Variants in IFT122 observed in about 807,000 individuals in gnomAD.
IFT122 encodes the protein intraflagellar transport 122.
A neutral mutation model predicts 161.6 loss-of-function variants in IFT122; 118 were observed. The ratio of observed to expected loss-of-function variants is 0.73; its 90% CI spans 0.63 to 0.85. The LOEUF is 0.85. Ranked by LOEUF, IFT122 falls within the 40% of genes least tolerant of loss-of-function variation. The pLI, the probability that IFT122 is intolerant of heterozygous loss-of-function variation, is 0.00. For missense variants in IFT122, 1,381 were observed against 1,579.6 expected (o/e 0.87, Z 2.13); for synonymous variants, 550 against 602.4 (o/e 0.91, Z 1.27).
intron 15 of IFT122, chr3:129,487,577 A>G: frequency 6.2e-6 from 1 of 161,312 alleles, no homozygotes; most frequent in Non-Finnish European, 1.4e-5. Context: ...GGCAGGGATC[A>G]GGAGAGCTGT....
chr3:129,500,567 A>G (rs2081401538), intron 19 of IFT122, among the ~76,000 whole-genome samples: 1 of 152,260 alleles, frequency 6.6e-6, no homozygotes, highest in African/African-American at 2.4e-5. Flanking sequence ...CAAATCCATC[A>G]GGGAAGAATT....
chr3:129,467,172 A>T lies in IFT122; in HGVS notation c.740+106A>T. ...CTTTGGCCAAGGGAGTGCAGGGACT[A>T]GGGGGAACTGTGGGTGAAAGCGCCT... On this transcript the variant is annotated intron_variant, in intron 8 of 29. Transcript: ENST00000348417. 4 of 1,065,638 alleles carry T rather than the reference A, an allele frequency of 3.8e-6. No homozygotes were observed. In the South Asian group the frequency reaches 5.4e-5, roughly 14 times the overall value. 66.0% of individuals were successfully genotyped at this position (1,065,638 alleles called of 1,614,324 possible).
At chr3:129,502,578 A>G in intron 19 of IFT122, 133 bp from the exon 20 acceptor site, 4 of 1,015,044 alleles carry the variant, frequency 3.9e-6, no homozygotes, top group Non-Finnish European at 6.2e-6. Flanking sequence ...CATGCATTTA[A>G]TAACTACCCA....
intron 12 of IFT122, among the ~76,000 whole-genome samples, chr3:129,479,391 G>A (rs541536810): frequency 5.3e-5 from 8 of 152,230 alleles, no homozygotes; most frequent in Admixed American, 3.9e-4. Flanking sequence ...AGCTATGATA[G>A]CGCCACTACA....
chr3:129,464,641 A>G lies in IFT122; in HGVS notation c.423A>G (p.Thr141=). ...TTGTTGGTTGTGTACACAGCTGGAC[A>G]AATGATGGTCAGTACCTGGCGCTGG... The part of the protein sequence containing the change: ...SSSKIICCSW[T]NDGQYLALGM... Residue 141 remains threonine, a synonymous_variant, in exon 7 of 30, where the codon ACA becomes ACG. Coordinates refer to ENST00000348417, the MANE Select transcript of IFT122 (RefSeq NM_052989.3). The G allele has an allele frequency of 6.2e-7, 1 of 1,614,170 alleles. No individual in the cohort carries two copies. Among genetic ancestry groups the G allele is most frequent in the Non-Finnish European group, 8.5e-7 (1 of 1,180,028 alleles).
At chr3:129,516,169 GCACA>G (rs144438445) in intron 26 of IFT122, among the ~76,000 whole-genome samples, 6 of 118,876 alleles carry the variant, frequency 5.0e-5, no homozygotes, top group African/African-American at 1.7e-4. Flanking sequence ...GACCGCCCCT[GCACA>G]CACACACACA....
chr3:129,443,306 G>T (rs917053877), intron 1 of IFT122, among the ~76,000 whole-genome samples: 3 of 152,166 alleles, frequency 2.0e-5, no homozygotes, highest in African/African-American at 7.2e-5. Flanking sequence ...GGTTGTCAGA[G>T]GACAATTTGC....
chr3:129,442,579 C>CA (rs397935692), intron 1 of IFT122, among the ~76,000 whole-genome samples: 12,632 of 123,564 alleles, frequency 0.1, 1,187 homozygotes, highest in East Asian at 0.47. Context: ...AAAAACTAAA[C>CA]AAAAAAAAAA....
intron 28 of IFT122, 123 bp downstream of exon 28, chr3:129,519,309 C>A: frequency 9.5e-7 from 1 of 1,051,844 alleles, no homozygotes; most frequent in Non-Finnish European, 1.5e-6. Flanking sequence ...GATGTGGTGG[C>A]ACGAAGGAGG....
chr3:129,485,854 C>T (rs2079211556), intron 15 of IFT122, among the ~76,000 whole-genome samples: 2 of 152,228 alleles, frequency 1.3e-5, no homozygotes, highest in Admixed American at 1.3e-4. Flanking sequence ...GAAACACATT[C>T]TCAAGACAAA....
At chr3:129,510,019 G>C (rs1046542171) in intron 23 of IFT122, among the ~76,000 whole-genome samples, 6 of 152,196 alleles carry the variant, frequency 3.9e-5, no homozygotes, top group African/African-American at 1.4e-4. Flanking sequence ...TCCAGGCAAG[G>C]CTTCACGCCA....
intron 3 of IFT122, among the ~76,000 whole-genome samples, chr3:129,457,245 C>T (rs559410973): frequency 1.3e-4 from 20 of 152,202 alleles, no homozygotes; most frequent in Non-Finnish European, 2.6e-4. Context: ...TGTTGCCTCT[C>T]TCCAGTCTGT....
chr3:129,507,634 A>G (rs990364151), intron 22 of IFT122, 34 bp from the exon 23 acceptor site: 1 of 1,565,902 alleles, frequency 6.4e-7, no homozygotes, highest in African/African-American at 1.4e-5. Flanking sequence ...ACACTGTTTG[A>G]CACGTTTCCC....
intron 9 of IFT122, among the ~76,000 whole-genome samples, chr3:129,475,240 G>A (rs896126061): frequency 3.3e-5 from 5 of 152,132 alleles, no homozygotes; most frequent in Non-Finnish European, 5.9e-5. Context: ...GAGATAATTC[G>A]CACTCACTAA....
At chr3:129,475,031 T>C (rs1397216042) in intron 9 of IFT122, among the ~76,000 whole-genome samples, 1 of 152,108 alleles carries the variant, frequency 6.6e-6, no homozygotes, top group Non-Finnish European at 1.5e-5. Context: ...GGTATATGCC[T>C]CTAGTCCCAG....
chr3:129,475,497 C>A (rs2108267060), intron 9 of IFT122, among the ~76,000 whole-genome samples: 1 of 152,270 alleles, frequency 6.6e-6, no homozygotes, highest in East Asian at 1.9e-4. Flanking sequence ...GCAAAAAATA[C>A]AAAAATTAGC....
intron 3 of IFT122, among the ~76,000 whole-genome samples, chr3:129,453,467 A>G (rs186657651): frequency 6.6e-5 from 10 of 152,182 alleles, no homozygotes. Context: ...CCTCTTGAAG[A>G]TTGTGATCAT....
In IFT122 at chr3:129,461,214, T is replaced by A; in HGVS notation, c.273-14T>A. The A allele has an allele frequency of 6.3e-7, 1 of 1,596,972 alleles. No homozygotes were observed. The highest frequency in any genetic ancestry group is 8.6e-7 in the Non-Finnish European group (1 of 1,164,274). On this transcript the variant is annotated splice_polypyrimidine_tract_variant and intron_variant, in intron 4 of 29. Transcript: ENST00000348417. ...GGTTTGCTGCATAGTAATCTACAGT[T>A]GTTTACTTCCCAGGCACAATGATGC... is the stretch of plus-strand genomic sequence containing the variant.
chr3:129,480,668 G>T (rs2078532348), intron 13 of IFT122, among the ~76,000 whole-genome samples: 1 of 152,186 alleles, frequency 6.6e-6, no homozygotes, highest in South Asian at 2.1e-4. Context: ...TTCTCAGGCA[G>T]CTCTCACTTC....
Sources: allele counts gnomAD v4.1 joint callset (sites outside exome capture counted in the v4.1 genomes callset), GRCh38; gene constraint gnomAD v4.1.1; transcripts MANE v1.5; gene names NCBI Gene and HGNC (gene_info 2026-07-23, HGNC 2026-07-21).